Variants in NIBAN1 observed in about 807,000 individuals in gnomAD.
The protein encoded by NIBAN1 is protein Niban 1.
In NIBAN1, 81 loss-of-function variants were observed where a neutral mutation model predicts 75.1. The observed-to-expected ratio is 1.08, with a 90% confidence interval of 0.90 to 1.30. The LOEUF (loss-of-function observed/expected upper bound fraction) is 1.30. NIBAN1 is among the 50% of genes most tolerant of loss of function. The probability of loss-of-function intolerance (pLI) is 0.00; values close to 1 mark genes in which losing one functional copy is unlikely to be tolerated. For synonymous variants in NIBAN1, 436 were observed against 424.8 expected (o/e 1.03, Z -0.32); for missense variants, 1,133 against 1,128.1 (o/e 1.00, Z -0.06).
At chr1:184,809,328 T>C (rs917825530) in intron 9 of NIBAN1, among the ~76,000 whole-genome samples, 6 of 152,178 alleles carry the variant, frequency 3.9e-5, no homozygotes, top group African/African-American at 9.7e-5. Context: ...GTGTCTATTT[T>C]TAAAAAATAT....
At chr1:184,972,672 T>A (rs963899249) in intron 1 of NIBAN1, among the ~76,000 whole-genome samples, 1 of 152,238 alleles carries the variant, frequency 6.6e-6, no homozygotes, top group Non-Finnish European at 1.5e-5. Context: ...ACACTTGCAT[T>A]ACAAGTTCTT....
chr1:184,879,031 T>C (rs1421178521), intron 5 of NIBAN1, among the ~76,000 whole-genome samples: 1 of 152,186 alleles, frequency 6.6e-6, no homozygotes, highest in Non-Finnish European at 1.5e-5. Flanking sequence ...ACTAACTATG[T>C]GAGGCAAAGA....
chr1:184,840,241 A>C (rs1254807868), intron 5 of NIBAN1, among the ~76,000 whole-genome samples: 1 of 152,254 alleles, frequency 6.6e-6, no homozygotes, highest in African/African-American at 2.4e-5. Flanking sequence ...ATTACTTAGA[A>C]GAAATCAGTA....
chr1:184,822,729 T>C (rs1040532168), intron 8 of NIBAN1, among the ~76,000 whole-genome samples: 87 of 152,224 alleles, frequency 5.7e-4, no homozygotes, highest in African/African-American at 2.0e-3. Flanking sequence ...TAGAGGAAAA[T>C]CCATATATTA....
intron 1 of NIBAN1, among the ~76,000 whole-genome samples, chr1:184,954,663 G>A (rs534961665): frequency 6.6e-6 from 1 of 152,316 alleles, no homozygotes; most frequent in Admixed American, 6.5e-5. Context: ...GGATGCTTAT[G>A]TGTAACTCAG....
chr1:184,909,187 G>T (rs1657177127), intron 1 of NIBAN1, among the ~76,000 whole-genome samples: 1 of 152,122 alleles, frequency 6.6e-6, no homozygotes, highest in African/African-American at 2.4e-5. Flanking sequence ...CACATTAAAA[G>T]AAATCAGGCC....
At chr1:184,875,726 A>G (rs1656215730) in intron 5 of NIBAN1, among the ~76,000 whole-genome samples, 1 of 152,230 alleles carries the variant, frequency 6.6e-6, no homozygotes, top group Admixed American at 6.5e-5. Flanking sequence ...AATCATCACA[A>G]TGAGCTAAGC....
intron 1 of NIBAN1, among the ~76,000 whole-genome samples, chr1:184,901,022 A>G (rs563793705): frequency 1.3e-5 from 2 of 152,330 alleles, no homozygotes; most frequent in East Asian, 3.9e-4. Context: ...TTCTAACTAC[A>G]TAGATTGAGG....
chr1:184,941,098 G>C (rs1344888491), intron 1 of NIBAN1, among the ~76,000 whole-genome samples: 1 of 152,166 alleles, frequency 6.6e-6, no homozygotes, highest in Non-Finnish European at 1.5e-5. Flanking sequence ...AGCACTTACA[G>C]TTTTGACAAA....
Position 184,834,104 on chromosome 1 carries a change from C to T in NIBAN1, c.602-2142G>A, listed in dbSNP as rs183097255. 4.4e-3 allele frequency among the ~76,000 whole-genome samples: 658 copies of T among 150,724 alleles called. 7 individuals are homozygous for T. Among genetic ancestry groups the T allele is most frequent in the Middle Eastern group, 0.014 (4 of 284 alleles). On this transcript the variant is annotated intron_variant, in intron 5 of 13. Coordinates refer to ENST00000367511, the MANE Select transcript of NIBAN1 (RefSeq NM_052966.4). Reference sequence around the variant, plus strand: ...ATTCCCACCTATGAGTGAGAACATGCAGTGTTTGGTTTTCTGTCCTTGTGA... The same window carrying T: ...ATTCCCACCTATGAGTGAGAACATGTAGTGTTTGGTTTTCTGTCCTTGTGA...
intron 1 of NIBAN1, among the ~76,000 whole-genome samples, chr1:184,933,664 G>A (rs1016416073): frequency 6.6e-6 from 1 of 152,190 alleles, no homozygotes; most frequent in African/African-American, 2.4e-5. Flanking sequence ...ATCAACTTTT[G>A]TATCTGCGGC....
intron 1 of NIBAN1, among the ~76,000 whole-genome samples, chr1:184,952,948 A>C (rs1455164839): frequency 2.0e-5 from 3 of 152,218 alleles, no homozygotes; most frequent in Non-Finnish European, 2.9e-5. Flanking sequence ...TCCATAAATT[A>C]TAGAAAATAT....
chr1:184,827,559 A>ATTTTTTTTTTTTTTTTTTTTTT (rs1654874288), intron 6 of NIBAN1, among the ~76,000 whole-genome samples: 1 of 24,408 alleles, frequency 4.1e-5, no homozygotes, highest in African/African-American at 4.8e-4. Context: ...AAAATACTTC[A>ATTTTTTTTTTTTTTTTTTTTTT]GTTTTTTTTT....
At chr1:184,838,621 C>T (rs1655201254) in intron 5 of NIBAN1, among the ~76,000 whole-genome samples, 1 of 152,156 alleles carries the variant, frequency 6.6e-6, no homozygotes, top group Non-Finnish European at 1.5e-5. Flanking sequence ...AGGAAAACTT[C>T]TCTAGGCCTC....
At chr1:184,933,187 A>G (rs965037493) in intron 1 of NIBAN1, among the ~76,000 whole-genome samples, 4 of 152,158 alleles carry the variant, frequency 2.6e-5, no homozygotes, top group Non-Finnish European at 4.4e-5. Flanking sequence ...ACACCTTACC[A>G]TCCCTGCTAT....
rs148814096 is a variant in NIBAN1 at position 184,815,301 on chromosome 1, A to T, written c.1173+3337T>A. Among the ~76,000 whole-genome samples the T allele has an allele frequency of 1.5e-3, 229 of 152,324 alleles. 2 individuals are homozygous for T. Among genetic ancestry groups the T allele is most frequent in the South Asian group, 0.011 (53 of 4,832 alleles). ...AATCCCTTCATAATCTAGAACCTGAAGATTAGATCTTCTGAAAACATCAGA... is the reference window on the plus strand; with the variant it reads ...AATCCCTTCATAATCTAGAACCTGATGATTAGATCTTCTGAAAACATCAGA... On this transcript the variant is annotated intron_variant, in intron 9 of 13. Transcript: ENST00000367511.
At chr1:184,834,673 TCATGTCCTTTGCC>T (rs1655090760) in intron 5 of NIBAN1, among the ~76,000 whole-genome samples, 1 of 152,236 alleles carries the variant, frequency 6.6e-6, no homozygotes, top group African/African-American at 2.4e-5. Flanking sequence ...AAGTGTCTGT[TCATGTCCTTTGCC>T]CACTTTTTGA....
intron 13 of NIBAN1, among the ~76,000 whole-genome samples, chr1:184,796,527 C>A (rs1204978426): frequency 1.3e-5 from 2 of 152,214 alleles, no homozygotes; most frequent in African/African-American, 4.8e-5. Context: ...CTTTACCTTG[C>A]AGTACAGTCC....
chr1:184,927,070 T>A (rs1657702311), intron 1 of NIBAN1, among the ~76,000 whole-genome samples: 1 of 152,216 alleles, frequency 6.6e-6, no homozygotes, highest in Non-Finnish European at 1.5e-5. Context: ...CTCTGTGTTA[T>A]CTTGAATTTT....
Sources: allele counts gnomAD v4.1 joint callset (sites outside exome capture counted in the v4.1 genomes callset), GRCh38; gene constraint gnomAD v4.1.1; transcripts MANE v1.5; gene names NCBI Gene and HGNC (gene_info 2026-07-23, HGNC 2026-07-21).